Variants in SYMPK observed in about 807,000 individuals in gnomAD.
SYMPK encodes symplekin scaffold protein.
Under a neutral mutation model 136.4 loss-of-function variants are expected in SYMPK, and 49 were observed. The observed-to-expected ratio is 0.36, with a 90% CI of 0.29 to 0.46. The LOEUF (loss-of-function observed/expected upper bound fraction) is 0.46. SYMPK is among the 20% of genes least tolerant of loss of function. The pLI is 1.00. For missense variants in SYMPK, 1,365 were observed against 1,690.0 expected (o/e 0.81, Z 3.37); for synonymous variants, 766 against 713.0 (o/e 1.07, Z -1.19).
At chr19:45,815,779 G>GC (rs1297326464) in intron 26 of SYMPK, 72 bp downstream of exon 26, 1 of 1,586,702 alleles carries the variant, frequency 6.3e-7, no homozygotes, top group African/African-American at 1.3e-5. Context: ...CCCCCTGATG[G>GC]CCCCTCCTCC....
chr19:45,839,573 G>A (rs182878257), intron 9 of SYMPK, among the ~76,000 whole-genome samples: 22 of 151,976 alleles, frequency 1.4e-4, no homozygotes, highest in Admixed American at 1.2e-3. Flanking sequence ...GAGGCTGGGC[G>A]CAGTGGCTCA....
At chr19:45,839,191 G>A (rs1971378608) in intron 9 of SYMPK, among the ~76,000 whole-genome samples, 1 of 152,090 alleles carries the variant, frequency 6.6e-6, no homozygotes, top group Non-Finnish European at 1.5e-5. Flanking sequence ...GCCCAGCCTG[G>A]TGCAGTTTTT....
At chr19:45,828,008 AG>A in intron 14 of SYMPK, 90 bp from the exon 15 acceptor site, 4 of 1,181,540 alleles carry the variant, frequency 3.4e-6, no homozygotes, top group South Asian at 1.2e-5. Flanking sequence ...CAGGGCCAGC[AG>A]GCCCTCCCTC....
chr19:45,831,974 TG>T (rs796092831), intron 11 of SYMPK, among the ~76,000 whole-genome samples: 11 of 152,180 alleles, frequency 7.2e-5, no homozygotes, highest in African/African-American at 2.6e-4. Flanking sequence ...CCCAACTAGC[TG>T]GGACTACAGG....
intron 16 of SYMPK, among the ~76,000 whole-genome samples, chr19:45,826,936 C>G (rs1971054867): frequency 1.3e-5 from 2 of 152,224 alleles, no homozygotes. Flanking sequence ...GCACATCTGT[C>G]CCCTCTGTCT....
intron 1 of SYMPK, among the ~76,000 whole-genome samples, chr19:45,857,463 A>G (rs1022003649): frequency 1.3e-5 from 2 of 151,584 alleles, no homozygotes; most frequent in Non-Finnish European, 2.9e-5. Flanking sequence ...ACATGCCAAA[A>G]AAACAATAAT....
At chr19:45,857,925 A>G (rs113222530) in intron 1 of SYMPK, among the ~76,000 whole-genome samples, 12,147 of 151,456 alleles carry the variant, frequency 0.08, 553 homozygotes, top group Non-Finnish European at 0.099. Flanking sequence ...TCATCTCCCA[A>G]GTAGCTGGGA....
intron 9 of SYMPK, among the ~76,000 whole-genome samples, chr19:45,840,566 G>A: frequency 6.6e-6 from 1 of 152,134 alleles, no homozygotes; most frequent in African/African-American, 2.4e-5. Flanking sequence ...GGGAGGCTGA[G>A]GCAGGAGAAT....
At chr19:45,854,810 T>C in intron 1 of SYMPK, 1 of 401,468 alleles carries the variant, frequency 2.5e-6, no homozygotes, top group Non-Finnish European at 4.7e-6. Context: ...AACAGCCACC[T>C]TGCAGGTCTC....
Position 45,841,297 on chromosome 19 carries a change from C to CT in SYMPK, c.1087+952dup, listed in dbSNP as rs1038779942. Among the ~76,000 whole-genome samples the CT allele has an allele frequency of 3.4e-3, 485 of 141,448 alleles. 1 individual carries two copies. Among genetic ancestry groups the CT allele is most frequent in the African/African-American group, 9.5e-3 (366 of 38,686 alleles). The allele number at this position is 141,448 out of a possible 152,430, so 92.8% of individuals were successfully genotyped here. ...CTGTGCCTGGCAATTCCCCCCCCACCTTTTTTTTTTTTGAGACAGAGTTTC... is the reference window on the plus strand; with the variant it reads ...CTGTGCCTGGCAATTCCCCCCCCACCTTTTTTTTTTTTTGAGACAGAGTTTC... On this transcript the variant is annotated intron_variant, in intron 9 of 26. Coordinates refer to ENST00000245934, the MANE Select transcript of SYMPK (RefSeq NM_004819.3).
At chr19:45,849,131 C>A (rs1389877508) in intron 5 of SYMPK, among the ~76,000 whole-genome samples, 3 of 152,144 alleles carry the variant, frequency 2.0e-5, no homozygotes, top group Non-Finnish European at 2.9e-5. Context: ...TAGGGGCAGA[C>A]AACTGTGTGA....
intron 15 of SYMPK, 80 bp from the exon 16 acceptor site, chr19:45,827,703 C>A (rs1030817671): frequency 6.6e-7 from 1 of 1,508,860 alleles, no homozygotes; most frequent in South Asian, 1.1e-5. Context: ...TGCCTCTGAT[C>A]AGGTACCTGG....
chr19:45,819,771 C>T (rs1375729091), intron 22 of SYMPK: 1 of 152,448 alleles, frequency 6.6e-6, no homozygotes, highest in Non-Finnish European at 1.5e-5. Flanking sequence ...TAGTTATAGA[C>T]AAGCTCCCCA....
At chr19:45,817,184 T>C in intron 23 of SYMPK, 1 of 543,384 alleles carries the variant, frequency 1.8e-6, no homozygotes. Context: ...GGGAAGGGGG[T>C]GGAAGAAAAC....
chr19:45,839,517 AAT>A (rs1239050510), intron 9 of SYMPK, among the ~76,000 whole-genome samples: 1 of 152,218 alleles, frequency 6.6e-6, no homozygotes, highest in East Asian at 1.9e-4. Context: ...AGTATAGAAT[AAT>A]AGACTCAGGC....
intron 18 of SYMPK, among the ~76,000 whole-genome samples, chr19:45,824,351 T>C (rs1970986435): frequency 6.6e-6 from 1 of 152,074 alleles, no homozygotes; most frequent in African/African-American, 2.4e-5. Flanking sequence ...CCCAGTAACG[T>C]TTACGCTCCT....
rs1160103465 is a variant in SYMPK, at chr19:45,828,302, T to TA, written c.1986-385dup. The TA allele has an allele frequency of 1.2e-5, 3 of 242,578 alleles. No homozygotes were observed. The East Asian group carries it at 3.6e-4, about 29-fold the overall frequency. The allele number at this position is 242,578 out of a possible 1,614,324, so 15.0% of individuals were successfully genotyped here. ...TGGATGAGAAGGAGCCACCCACACA[T>TA]AGAGTTGAGGGAAGAGCATTCCAGG... On this transcript the variant is annotated intron_variant, in intron 14 of 26. Transcript: ENST00000245934.
At chr19:45,861,600 G>A (rs763846962) in intron 1 of SYMPK, among the ~76,000 whole-genome samples, 3 of 151,956 alleles carry the variant, frequency 2.0e-5, no homozygotes, top group African/African-American at 4.8e-5. Flanking sequence ...TTAGCCAGGC[G>A]TGGTGGTGTG....
intron 1 of SYMPK, among the ~76,000 whole-genome samples, chr19:45,859,854 C>T (rs1007286681): frequency 3.4e-5 from 5 of 147,624 alleles, no homozygotes; most frequent in Non-Finnish European, 4.4e-5. Context: ...CCAGCCTGGG[C>T]AACACAGCGA....
Sources: gnomAD v4.1 joint callset for allele counts (sites outside exome capture counted in the v4.1 genomes callset) on GRCh38, gnomAD v4.1.1 for gene constraint, MANE v1.5 for transcripts, NCBI Gene and HGNC (gene_info 2026-07-23, HGNC 2026-07-21) for gene names.